The following LIPA variants were observed in gnomAD, a reference collection of about 807,000 sequenced individuals.
LIPA encodes lysosomal acid lipase/cholesteryl ester hydrolase.
LIPA carries 26 observed loss-of-function variants against 40.6 expected under a neutral mutation model. The ratio of observed to expected loss-of-function variants is 0.64; its 90% CI spans 0.47 to 0.89. LIPA has a LOEUF of 0.89. Among genes scored for constraint, LIPA ranks in the 40% least tolerant of loss-of-function variants. LIPA has a pLI of 0.00. For missense variants in LIPA, 455 were observed against 479.6 expected, an observed-to-expected ratio of 0.95 and a Z score of 0.48; for synonymous variants, 188 against 168.4, an observed-to-expected ratio of 1.12 and a Z score of -0.90.
chr10:89,312,702 G>A (rs1033788298), intron 1 of LIPA, among the ~76,000 whole-genome samples: 7 of 151,692 alleles, frequency 4.6e-5, no homozygotes, highest in East Asian at 3.9e-4. Context: ...CCAGCTACTC[G>A]GGAGGCTGAG....
chr10:89,219,838 G>A (rs1221475741), intron 8 of LIPA, among the ~76,000 whole-genome samples: 1 of 152,254 alleles, frequency 6.6e-6, no homozygotes, highest in African/African-American at 2.4e-5. Flanking sequence ...ATGGTACAGC[G>A]GGTAGAAGAG....
Position 89,387,080 on chromosome 10 carries a change from G to A in LIPA, c.61+25711C>T, listed in dbSNP as rs959003500. On this transcript the variant is annotated intron_variant, in intron 2 of 8. Coordinates refer to the LIPA transcript ENST00000371837. ...GCCTGTAATCCCAGCACTTTGGGAG[G>A]CCGAGGTGGGCAGATCATGGGGTCA... Among the ~76,000 whole-genome samples the A allele has an allele frequency of 3.3e-5, 5 of 152,058 alleles. No homozygotes were observed. The South Asian group carries it at 1.0e-3, about 31-fold the overall frequency.
chr10:89,393,282 G>C, intron 2 of LIPA: 1 of 1,289,618 alleles, frequency 7.8e-7, no homozygotes, highest in Non-Finnish European at 1.0e-6. Flanking sequence ...ACAGGTTTTC[G>C]CAATCAGGCT....
At chr10:89,332,892 C>T (rs1843671831) in intron 1 of LIPA, among the ~76,000 whole-genome samples, 1 of 152,176 alleles carries the variant, frequency 6.6e-6, no homozygotes, top group African/African-American at 2.4e-5. Flanking sequence ...TGCTCAGATG[C>T]TTTCAGGTAA....
chr10:89,287,285 T>C (rs61037017), intron 1 of LIPA, among the ~76,000 whole-genome samples: 3,485 of 152,252 alleles, frequency 0.023, 159 homozygotes, highest in African/African-American at 0.078. Context: ...CTACCCACTC[T>C]GCATTACCTT....
intron 2 of LIPA, among the ~76,000 whole-genome samples, chr10:89,246,728 C>T (rs12246521): frequency 0.014 from 2,109 of 152,168 alleles, 19 homozygotes; most frequent in Middle Eastern, 0.024. Context: ...TGTTTACTTA[C>T]GATTAATAAC....
chr10:89,216,038 T>C, intron 8 of LIPA, 29 bp from the exon 9 acceptor site: 1 of 1,451,682 alleles, frequency 6.9e-7, no homozygotes. Context: ...GGAAAAGAGT[T>C]ATCTGACACC....
At chr10:89,351,253 C>T (rs1457705009) in intron 2 of LIPA, among the ~76,000 whole-genome samples, 1 of 152,160 alleles carries the variant, frequency 6.6e-6, no homozygotes, top group Non-Finnish European at 1.5e-5. Context: ...GAGGTTGAGG[C>T]TACAGTCAGC....
chr10:89,347,747 T>C (rs1307242604), intron 2 of LIPA, among the ~76,000 whole-genome samples: 1 of 152,178 alleles, frequency 6.6e-6, no homozygotes. Flanking sequence ...CCTCCGTACA[T>C]GTCTATATTA....
intron 1 of LIPA, chr10:89,340,126 T>G (rs771045228): frequency 1.9e-6 from 3 of 1,584,476 alleles, no homozygotes; most frequent in Non-Finnish European, 2.6e-6. Context: ...GCAACTGAAC[T>G]GAGACAGAGG....
At chr10:89,366,675 A>T (rs1260910407) in intron 2 of LIPA, among the ~76,000 whole-genome samples, 1 of 152,204 alleles carries the variant, frequency 6.6e-6, no homozygotes, top group Admixed American at 6.5e-5. Flanking sequence ...TCAGGAAACA[A>T]CAGGTGCTGG....
intron 1 of LIPA, among the ~76,000 whole-genome samples, chr10:89,298,258 G>T (rs1215964606): frequency 2.0e-5 from 3 of 152,208 alleles, no homozygotes; most frequent in Non-Finnish European, 2.9e-5. Context: ...AGTGTATGTT[G>T]TTCTGGGGCC....
chr10:89,414,630 C>T, upstream of LIPA: 1 of 583,592 alleles, frequency 1.7e-6, no homozygotes, highest in East Asian at 3.5e-5. Flanking sequence ...GGGCTGGGGT[C>T]TCTCCTTTAA....
At chr10:89,413,746 G>A (rs1293159758) in intron 1 of LIPA, among the ~76,000 whole-genome samples, 1 of 138,706 alleles carries the variant, frequency 7.2e-6, no homozygotes, top group Admixed American at 7.8e-5. Flanking sequence ...CAACCTGAGT[G>A]ACAGAGTGAG....
chr10:89,289,735 G>A lies in LIPA; in HGVS notation c.-1-42086C>T, dbSNP rs577829092. On this transcript the variant is annotated intron_variant, in intron 1 of 5. Transcript: ENST00000282673. ...GCCACCCTTAAGTCTCTGTTTGAAC[G>A]GATAGAAGATCTTTGGTGACAAAGT... Among the ~76,000 whole-genome samples the A allele has an allele frequency of 5.3e-5, 8 of 152,182 alleles. No homozygotes were observed. The East Asian group carries it at 9.7e-4, about 18-fold the overall frequency.
intron 2 of LIPA, among the ~76,000 whole-genome samples, chr10:89,364,628 C>T (rs995194137): frequency 6.7e-6 from 1 of 149,656 alleles, no homozygotes; most frequent in Admixed American, 6.7e-5. Context: ...CGAAATAGTT[C>T]TAAAGTATTC....
chr10:89,402,240 G>C (rs1366913154), intron 2 of LIPA: 1 of 1,343,294 alleles, frequency 7.4e-7, no homozygotes, highest in Middle Eastern at 1.9e-4. Context: ...TCTTTTAGCT[G>C]TTCCTCACCT....
Position 89,391,445 on chromosome 10 carries a change from G to C in LIPA, c.61+21346C>G, listed in dbSNP as rs1844250081. 3.3e-5 allele frequency among the ~76,000 whole-genome samples: 5 copies of C among 151,844 alleles called. No individual in the cohort carries two copies. The South Asian group carries it at 1.0e-3, about 32-fold the overall frequency. ...TGTCCAGGCTGGTCTACAATTCCTG[G>C]GCTCAAGTGATCCTCCCGCCTTGCC... On this transcript the variant is annotated intron_variant, in intron 2 of 8. Coordinates refer to the LIPA transcript ENST00000371837.
chr10:89,223,580 T>A, intron 7 of LIPA, 104 bp downstream of exon 7: 1 of 982,196 alleles, frequency 1.0e-6, no homozygotes, highest in Non-Finnish European at 1.6e-6. Flanking sequence ...AAAGACTCTT[T>A]AGAGTTCTGA....
Sources: gnomAD v4.1 joint callset for allele counts (sites outside exome capture counted in the v4.1 genomes callset) on GRCh38, gnomAD v4.1.1 for gene constraint, MANE v1.5 for transcripts, NCBI Gene and HGNC (gene_info 2026-07-23, HGNC 2026-07-21) for gene names.